The following EP300 variants were observed in gnomAD, a reference collection of about 807,000 sequenced individuals.
EP300 encodes the protein EP300 lysine acetyltransferase, also known as histone acetyltransferase p300.
In EP300, 31 loss-of-function variants were observed where a neutral mutation model predicts 264.0. The observed-to-expected ratio is 0.12, with a 90% CI of 0.09 to 0.16. The LOEUF is 0.16. Among genes scored for constraint, EP300 ranks in the 10% least tolerant of loss-of-function variants. The pLI is 1.00. For missense variants in EP300, 2,766 were observed against 3,052.9 expected, an observed-to-expected ratio of 0.91 and a Z score of 2.21; for synonymous variants, 1,340 against 1,045.4, an observed-to-expected ratio of 1.28 and a Z score of -5.44.
At chr22:41,125,112 CTTTTTTTTTTTTTTT>C (rs930135062) in intron 2 of EP300, among the ~76,000 whole-genome samples, 1 of 80,348 alleles carries the variant, frequency 1.2e-5, no homozygotes, top group Non-Finnish European at 2.3e-5. Context: ...CTTTTCTTTC[CTTTTTTTTTTTTTTT>C]TTTTTTTTTG....
At chr22:41,122,194 T>C (rs1004608154) in intron 2 of EP300, among the ~76,000 whole-genome samples, 6 of 142,938 alleles carry the variant, frequency 4.2e-5, no homozygotes, top group Non-Finnish European at 7.5e-5. Flanking sequence ...AGACAGAGTT[T>C]CGTTCTTGTC....
intron 28 of EP300, 41 bp from the exon 29 acceptor site, chr22:41,173,582 C>G (rs761618907): frequency 5.6e-6 from 9 of 1,610,494 alleles, no homozygotes; most frequent in Non-Finnish European, 7.6e-6. Context: ...AATTACTTAA[C>G]AAAAACCTTA....
At chr22:41,154,953 C>A in intron 16 of EP300, 42 bp from the exon 17 acceptor site, 1 of 1,341,610 alleles carries the variant, frequency 7.5e-7, no homozygotes, top group Non-Finnish European at 1.1e-6. Flanking sequence ...AGTTCTTCTG[C>A]TTAATTGGTA....
intron 3 of EP300, 115 bp from the exon 4 acceptor site, chr22:41,127,372 T>G: frequency 7.2e-7 from 1 of 1,389,122 alleles, no homozygotes; most frequent in Non-Finnish European, 1.0e-6. Context: ...AAAAATGGAG[T>G]CTGGCTTATA....
At chr22:41,095,963 C>T (rs1043505816) in intron 1 of EP300, among the ~76,000 whole-genome samples, 4 of 152,146 alleles carry the variant, frequency 2.6e-5, no homozygotes, top group Non-Finnish European at 5.9e-5. Flanking sequence ...TAAAAAATTT[C>T]CAGGTTGATT....
Position 41,177,707 on chromosome 22 carries a change from G to A in EP300, c.5996G>A (p.Gly1999Glu), listed in dbSNP as rs1417305999. The A allele has an allele frequency of 1.2e-6, 2 of 1,613,682 alleles. No individual in the cohort carries two copies. Among genetic ancestry groups the A allele is most frequent in the African/African-American group, 2.7e-5 (2 of 74,878 alleles). Residue 1999 changes from glycine (G) to glutamate (E), a missense_variant, in exon 31 of 31, where the codon GGA (glycine) becomes GAA (glutamate). Gly to Glu is a moderately conservative substitution (Grantham distance 98, BLOSUM62 -2). Transcript: ENST00000263253. ...CAACAGCCACCCTGGAGCCAAGGAG[G>A]ATTGCCTCAGCCCCAGCAACTACAG... ...MQQQPPWSQG[G>E]LPQPQQLQSG...
intron 1 of EP300, among the ~76,000 whole-genome samples, chr22:41,093,583 A>AT (rs1601582978): frequency 6.6e-6 from 1 of 152,202 alleles, no homozygotes; most frequent in East Asian, 1.9e-4. Flanking sequence ...AAAAATCTTG[A>AT]TTTTGTGTGT....
chr22:41,124,551 CT>C (rs763610595), intron 2 of EP300, among the ~76,000 whole-genome samples: 81 of 152,044 alleles, frequency 5.3e-4, no homozygotes, highest in Non-Finnish European at 1.1e-3. Flanking sequence ...AATCGCAGCA[CT>C]TTGGGAAGCT....
intron 27 of EP300, 90 bp from the exon 28 acceptor site, chr22:41,172,409 T>C: frequency 8.3e-7 from 1 of 1,210,638 alleles, no homozygotes. Context: ...ATTTTAAGCT[T>C]TCATGTTTCT....
At chr22:41,135,106 T>C (rs1366130422) in intron 6 of EP300, among the ~76,000 whole-genome samples, 1 of 151,994 alleles carries the variant, frequency 6.6e-6, no homozygotes, top group Non-Finnish European at 1.5e-5. Context: ...TTCACCACAT[T>C]GGCCAGGCTG....
At chr22:41,129,258 G>A (rs945428769) in intron 4 of EP300, among the ~76,000 whole-genome samples, 5 of 151,992 alleles carry the variant, frequency 3.3e-5, no homozygotes, top group East Asian at 3.9e-4. Context: ...TGATCCGCCC[G>A]CCTCGGCCTC....
chr22:41,157,120 G>C (rs553502196), intron 17 of EP300, 49 bp from the exon 18 acceptor site: 1 of 1,611,646 alleles, frequency 6.2e-7, no homozygotes, highest in East Asian at 2.2e-5. Context: ...TCCATCTCCC[G>C]TAAAAATAGT....
At chr22:41,108,720 G>T (rs545491756) in intron 1 of EP300, among the ~76,000 whole-genome samples, 1 of 152,310 alleles carries the variant, frequency 6.6e-6, no homozygotes, top group South Asian at 2.1e-4. Flanking sequence ...ATCATTAAAG[G>T]CATAAAGGAA....
intron 1 of EP300, among the ~76,000 whole-genome samples, chr22:41,111,854 T>A (rs1012401662): frequency 1.3e-5 from 2 of 150,986 alleles, no homozygotes; most frequent in Non-Finnish European, 3.0e-5. Context: ...TCTCTTTTTT[T>A]TTCTTTTTTA....
intron 1 of EP300, among the ~76,000 whole-genome samples, chr22:41,105,602 T>C (rs1429816377): frequency 6.6e-6 from 1 of 152,016 alleles, no homozygotes; most frequent in African/African-American, 2.4e-5. Context: ...TTTCACTATG[T>C]TGGCCAGGCT....
intron 17 of EP300, among the ~76,000 whole-genome samples, chr22:41,155,869 A>G (rs2059073859): frequency 6.6e-6 from 1 of 152,166 alleles, no homozygotes; most frequent in Admixed American, 6.5e-5. Flanking sequence ...GTTGATAGAC[A>G]TTTAGGTTGT....
intron 1 of EP300, among the ~76,000 whole-genome samples, chr22:41,100,532 C>A (rs1176720549): frequency 6.6e-6 from 1 of 152,044 alleles, no homozygotes; most frequent in African/African-American, 2.4e-5. Flanking sequence ...GTGGAGTCAG[C>A]CACAGATTGA....
chr22:41,142,091 C>G (rs992349254), intron 10 of EP300, among the ~76,000 whole-genome samples: 1 of 152,160 alleles, frequency 6.6e-6, no homozygotes, highest in Non-Finnish European at 1.5e-5. Flanking sequence ...CTTACTCAAT[C>G]GTTGACTTAT....
chr22:41,094,843 G>A (rs1158750291), intron 1 of EP300, among the ~76,000 whole-genome samples: 1 of 152,080 alleles, frequency 6.6e-6, no homozygotes, highest in Admixed American at 6.6e-5. Flanking sequence ...GTCCTGATTT[G>A]AGCAGTTTCG....
Sources: gnomAD v4.1 joint callset for allele counts (sites outside exome capture counted in the v4.1 genomes callset) on GRCh38, gnomAD v4.1.1 for gene constraint, MANE v1.5 for transcripts, NCBI Gene and HGNC (gene_info 2026-07-23, HGNC 2026-07-21) for gene names.